Variants in BRINP3 observed in about 807,000 individuals in gnomAD.
BRINP3 encodes the protein BMP/retinoic acid-inducible neural-specific protein 3.
A neutral mutation model predicts 71.0 loss-of-function variants in BRINP3; 19 were observed. That is an observed-to-expected ratio of 0.27 (90% CI 0.19 to 0.39). BRINP3 has a LOEUF of 0.39. Among genes scored for constraint, BRINP3 ranks in the 10% least tolerant of loss-of-function variants. The pLI is 1.00. For synonymous variants in BRINP3, 380 were observed against 337.7 expected, an observed-to-expected ratio of 1.13 and a Z score of -1.37; for missense variants, 959 against 940.8, an observed-to-expected ratio of 1.02 and a Z score of -0.25.
intron 7 of BRINP3, among the ~76,000 whole-genome samples, chr1:190,120,201 C>A (rs1653522342): frequency 6.6e-6 from 1 of 152,116 alleles, no homozygotes; most frequent in Non-Finnish European, 1.5e-5. Flanking sequence ...CTGAAAATCC[C>A]AGGTTTTTCT....
chr1:190,362,829 T>G (rs1453994546), intron 2 of BRINP3, among the ~76,000 whole-genome samples: 1 of 152,170 alleles, frequency 6.6e-6, no homozygotes, highest in African/African-American at 2.4e-5. Flanking sequence ...CCCAGCCACG[T>G]GGAACTGTGA....
At position 190,303,454 on chromosome 1, in the gene BRINP3, C is replaced by A. The variant is rs144678519; in HGVS notation, c.237-21704G>T. On this transcript the variant is annotated intron_variant, in intron 2 of 7. Transcript: ENST00000367462. ...AGATTGAAAAAGGAGAGAGTAAAAGCTATAAATTAAATATTGAGAAATCAG... is the reference window on the plus strand; with the variant it reads ...AGATTGAAAAAGGAGAGAGTAAAAGATATAAATTAAATATTGAGAAATCAG... Among the ~76,000 whole-genome samples the A allele has an allele frequency of 6.6e-3, 995 of 151,574 alleles. 6 individuals are homozygous for A. Among genetic ancestry groups the A allele is most frequent in the African/African-American group, 0.021 (883 of 41,432 alleles).
intron 3 of BRINP3, among the ~76,000 whole-genome samples, chr1:190,273,245 T>C (rs1008500877): frequency 2.0e-5 from 3 of 151,504 alleles, no homozygotes; most frequent in Non-Finnish European, 3.0e-5. Context: ...ACTGAAATAG[T>C]GTTATTCAAT....
At chr1:190,350,164 C>A (rs1558206292) in intron 2 of BRINP3, among the ~76,000 whole-genome samples, 2 of 152,102 alleles carry the variant, frequency 1.3e-5, no homozygotes, top group Non-Finnish European at 2.9e-5. Flanking sequence ...CTTATAGGAT[C>A]ATTGAAACAC....
chr1:190,401,741 AAAC>A (rs1671943600), intron 2 of BRINP3, among the ~76,000 whole-genome samples: 1 of 152,182 alleles, frequency 6.6e-6, no homozygotes, highest in Non-Finnish European at 1.5e-5. Context: ...TAATAAAAGA[AAAC>A]AATTATTTTT....
intron 6 of BRINP3, among the ~76,000 whole-genome samples, chr1:190,184,065 A>G (rs188226288): frequency 3.5e-4 from 54 of 152,282 alleles, no homozygotes; most frequent in Admixed American, 6.5e-4. Context: ...ATATGAGGCA[A>G]AAAATATTTT....
chr1:190,245,353 T>A (rs1182813473), intron 4 of BRINP3, among the ~76,000 whole-genome samples: 1 of 151,798 alleles, frequency 6.6e-6, no homozygotes, highest in Non-Finnish European at 1.5e-5. Flanking sequence ...AATATGACAT[T>A]AAAAGAACAA....
intron 7 of BRINP3, among the ~76,000 whole-genome samples, chr1:190,119,168 C>T (rs1042273616): frequency 2.6e-5 from 4 of 151,944 alleles, no homozygotes; most frequent in Non-Finnish European, 5.9e-5. Context: ...TAAAAACATC[C>T]ATTTCTTTTT....
intron 7 of BRINP3, among the ~76,000 whole-genome samples, chr1:190,110,818 G>A (rs1341316165): frequency 6.6e-6 from 1 of 152,062 alleles, no homozygotes; most frequent in Non-Finnish European, 1.5e-5. Context: ...AAACCAAGTA[G>A]CCTTTGATTT....
Position 190,191,547 on chromosome 1 carries a change from C to A in BRINP3, c.962-30657G>T, listed in dbSNP as rs1429011835. On this transcript the variant is annotated intron_variant, in intron 6 of 7. Coordinates refer to ENST00000367462, the MANE Select transcript of BRINP3 (RefSeq NM_199051.3). ...TATGTTAGTTTGCTGAGGATGATGG[C>A]CTCCAGCTTCATCCATGTCACTGCA... 5.3e-5 allele frequency among the ~76,000 whole-genome samples: 8 copies of A among 152,168 alleles called. No individual in the cohort carries two copies. In the East Asian group the frequency reaches 1.2e-3, roughly 22 times the overall value.
chr1:190,200,340 A>G lies in BRINP3; in HGVS notation c.961+25742T>C, dbSNP rs1654890517. 2.0e-5 allele frequency among the ~76,000 whole-genome samples: 3 copies of G among 152,124 alleles called. No homozygotes were observed. The South Asian group carries it at 6.2e-4, about 31-fold the overall frequency. On this transcript the variant is annotated intron_variant, in intron 6 of 7. Coordinates refer to ENST00000367462, the MANE Select transcript of BRINP3 (RefSeq NM_199051.3). ...TAGCTCCATCTTGAGATAATTTTAGACTTCAGATGAATTTAGAATTTGAAT... is the reference window on the plus strand; with the variant it reads ...TAGCTCCATCTTGAGATAATTTTAGGCTTCAGATGAATTTAGAATTTGAAT...
intron 7 of BRINP3, among the ~76,000 whole-genome samples, chr1:190,144,229 G>C (rs1365368396): frequency 6.6e-6 from 1 of 152,006 alleles, no homozygotes; most frequent in African/African-American, 2.4e-5. Context: ...CTGGCTCATA[G>C]CTAGTATCTT....
chr1:190,399,517 G>A (rs1165530934), intron 2 of BRINP3, among the ~76,000 whole-genome samples: 1 of 151,714 alleles, frequency 6.6e-6, no homozygotes, highest in Non-Finnish European at 1.5e-5. Flanking sequence ...ATTTCTCAGG[G>A]GTTTTTAATA....
At chr1:190,321,127 G>A (rs1298453135) in intron 2 of BRINP3, among the ~76,000 whole-genome samples, 1 of 152,010 alleles carries the variant, frequency 6.6e-6, no homozygotes, top group East Asian at 1.9e-4. Context: ...AGACTAGTTA[G>A]TTAGGCAACA....
intron 7 of BRINP3, among the ~76,000 whole-genome samples, chr1:190,147,030 A>G (rs1417430167): frequency 6.6e-6 from 1 of 151,774 alleles, no homozygotes; most frequent in African/African-American, 2.4e-5. Context: ...ATCCTTGTGG[A>G]TGTATTCTTT....
chr1:190,461,955 G>T (rs998844143), intron 1 of BRINP3, among the ~76,000 whole-genome samples: 2 of 151,866 alleles, frequency 1.3e-5, no homozygotes, highest in African/African-American at 4.8e-5. Flanking sequence ...ACGGAGTTTC[G>T]CCAGGCTGGA....
Position 190,281,723 on chromosome 1 carries a change from G to A in BRINP3, c.264C>T (p.Asn88=). 1 of 1,609,964 alleles carries A rather than the reference G, an allele frequency of 6.2e-7. No individual in the cohort carries two copies. Among genetic ancestry groups the A allele is most frequent in the Non-Finnish European group, 8.5e-7 (1 of 1,178,514 alleles). The change falls in exon 3 of 8, where the codon AAC becomes AAT. Residue 88 remains asparagine (N), a synonymous_variant. Transcript: ENST00000367462. ...GGAAATTTCTTCTCTCAACTGCAAG[G>A]TTATTTACTTTCCAGCGGCCAAACT... ...YREFGRWKVN[N]LAVERRNFLG...
At chr1:190,460,175 TA>T (rs1676289003) in intron 1 of BRINP3, among the ~76,000 whole-genome samples, 1 of 151,688 alleles carries the variant, frequency 6.6e-6, no homozygotes, top group East Asian at 1.9e-4. Context: ...AATAACTATT[TA>T]AAAAGTCACA....
intron 2 of BRINP3, among the ~76,000 whole-genome samples, chr1:190,309,504 A>G (rs1665369144): frequency 1.3e-5 from 2 of 151,856 alleles, no homozygotes; most frequent in African/African-American, 4.8e-5. Flanking sequence ...ATTTCGGCAT[A>G]TATTGAATAG....
Sources: gnomAD v4.1 joint callset for allele counts (sites outside exome capture counted in the v4.1 genomes callset) on GRCh38, gnomAD v4.1.1 for gene constraint, MANE v1.5 for transcripts, NCBI Gene and HGNC (gene_info 2026-07-23, HGNC 2026-07-21) for gene names.